WDR76: variants seen among roughly 807,000 people sequenced by gnomAD.
WDR76 encodes the protein WD repeat-containing protein 76.
WDR76 carries 52 observed loss-of-function variants against 70.2 expected under a neutral mutation model. That is an observed-to-expected ratio of 0.74 (90% confidence interval 0.59 to 0.93). The LOEUF (loss-of-function observed/expected upper bound fraction) is 0.93, where lower values mean the gene tolerates loss of function less well. WDR76 is among the 40% of genes least tolerant of loss of function. The pLI, the probability that WDR76 is intolerant of heterozygous loss-of-function variation, is 0.00. For synonymous variants in WDR76, 292 were observed against 271.1 expected, an observed-to-expected ratio of 1.08 and a Z score of -0.76; for missense variants, 756 against 760.2, an observed-to-expected ratio of 0.99 and a Z score of 0.07.
At chr15:43,855,164 G>A (rs950058845) in intron 9 of WDR76, among the ~76,000 whole-genome samples, 4 of 152,218 alleles carry the variant, frequency 2.6e-5, no homozygotes, top group South Asian at 2.1e-4. Context: ...TTTAAGATGC[G>A]TTCATGCTAT....
rs777290398 is a variant in WDR76, at chr15:43,828,207, A to G, written c.303A>G (p.Thr101=). The G allele has an allele frequency of 1.4e-5, 23 of 1,614,092 alleles. 1 individual carries two copies. The South Asian group carries it at 2.2e-4, about 15-fold the overall frequency. The change falls in exon 2 of 13, where the codon ACA becomes ACG. Residue 101 remains threonine (T), a synonymous_variant. Transcript: ENST00000263795. ...TTATACCTCCAAAGATGAAAAACAC[A>G]TCTTCCAAGGCAGAATCCACGCTGC... ...RRIIPPKMKN[T]SSKAESTLQN...
At chr15:43,863,650 C>T (rs537879575) in intron 12 of WDR76, among the ~76,000 whole-genome samples, 1 of 152,010 alleles carries the variant, frequency 6.6e-6, no homozygotes, top group African/African-American at 2.4e-5. Flanking sequence ...GCCTCAATCT[C>T]CTGGACTTGA....
intron 2 of WDR76, 125 bp downstream of exon 2, chr15:43,828,491 A>G (rs2087546515): frequency 1.2e-6 from 1 of 819,292 alleles, no homozygotes. Flanking sequence ...TGTAAGTATA[A>G]ATGTAATAAT....
intron 1 of WDR76, 131 bp downstream of exon 1, chr15:43,827,223 T>A: frequency 9.2e-7 from 1 of 1,088,386 alleles, no homozygotes; most frequent in Non-Finnish European, 1.3e-6. Flanking sequence ...CCCTTAGGCC[T>A]TCAGCTTTGA....
rs757526113 is a variant in WDR76, at chr15:43,858,814, G to T, written c.1553G>T (p.Cys518Phe). 1 of 1,612,604 alleles carries T rather than the reference G, an allele frequency of 6.2e-7. No homozygotes were observed. Among genetic ancestry groups the T allele is most frequent in the Non-Finnish European group, 8.5e-7 (1 of 1,179,676 alleles). Reference protein sequence around the residue: ...GNRVVTTCADCNLRIFDSSCI... With the variant: ...GNRVVTTCADFNLRIFDSSCI... ...AGAGTGGTGACCACATGTGCTGATT[G>T]TAATCTGAGGTAAATTGGGAAGGCA... The change falls in exon 11 of 13, where the codon TGT (cysteine) becomes TTT (phenylalanine). Residue 518 changes from cysteine (C) to phenylalanine (F), a missense_variant. By Grantham distance (205) the Cys-to-Phe change is radical (BLOSUM62 -2). Transcript: ENST00000263795.
intron 8 of WDR76, among the ~76,000 whole-genome samples, chr15:43,846,878 C>T (rs1176992689): frequency 5.3e-5 from 8 of 151,894 alleles, no homozygotes; most frequent in Middle Eastern, 3.4e-3. Flanking sequence ...CAAAATTAGC[C>T]GGGCATGGTG....
At chr15:43,835,660 CTT>C (rs67060323) in intron 3 of WDR76, among the ~76,000 whole-genome samples, 1,551 of 140,692 alleles carry the variant, frequency 0.011, 24 homozygotes, top group African/African-American at 0.038. Flanking sequence ...TTTTTTTTGT[CTT>C]TTTTTTTTTT....
chr15:43,854,865 C>G (rs984080345), intron 9 of WDR76, among the ~76,000 whole-genome samples: 1 of 151,614 alleles, frequency 6.6e-6, no homozygotes, highest in Non-Finnish European at 1.5e-5. Context: ...CACGGAGAAT[C>G]GCTTGAACCC....
At chr15:43,835,270 C>A in intron 3 of WDR76, 120 bp downstream of exon 3, 1 of 820,524 alleles carries the variant, frequency 1.2e-6, no homozygotes, top group Non-Finnish European at 2.0e-6. Flanking sequence ...AGTTCGAGAT[C>A]AGCCTGGGTA....
Position 43,827,047 on chromosome 15 carries a change from C to G in WDR76, c.15C>G (p.Gly5=). ...GAAGCCGAAAGATGTCCAGGTCGGG[C>G]GCGGCGGCTGAGAAGGCGGACTCCA... MSRS[G]AAAEKADSRQ... is the part of the protein sequence containing the mutation. Residue 5 remains glycine, a synonymous_variant, in exon 1 of 13, where the codon GGC becomes GGG. Coordinates refer to ENST00000263795, the MANE Select transcript of WDR76 (RefSeq NM_024908.4). 1 of 1,614,116 alleles carries G rather than the reference C, an allele frequency of 6.2e-7. No homozygotes were observed. The highest frequency in any genetic ancestry group is 8.5e-7 in the Non-Finnish European group (1 of 1,180,036).
chr15:43,838,011 G>A (rs1471683633), intron 4 of WDR76, among the ~76,000 whole-genome samples: 4 of 151,830 alleles, frequency 2.6e-5, no homozygotes, highest in Non-Finnish European at 4.4e-5. Context: ...GAGTAACTGG[G>A]ACTATAGGCG....
At chr15:43,854,686 C>T (rs1044381131) in intron 9 of WDR76, among the ~76,000 whole-genome samples, 1 of 152,168 alleles carries the variant, frequency 6.6e-6, no homozygotes, top group Non-Finnish European at 1.5e-5. Flanking sequence ...CAGTGGCTCA[C>T]GCCTGTAATC....
At chr15:43,861,701 A>T (rs1478948041) in intron 12 of WDR76, among the ~76,000 whole-genome samples, 1 of 152,078 alleles carries the variant, frequency 6.6e-6, no homozygotes, top group Non-Finnish European at 1.5e-5. Context: ...GTAACTACTC[A>T]CTTGCTGATG....
At chr15:43,829,708 A>G (rs2087563346) in intron 2 of WDR76, among the ~76,000 whole-genome samples, 1 of 151,630 alleles carries the variant, frequency 6.6e-6, no homozygotes, top group Non-Finnish European at 1.5e-5. Flanking sequence ...GGGTTCCACC[A>G]TGTTCGCCAG....
intron 9 of WDR76, among the ~76,000 whole-genome samples, chr15:43,852,374 CGTTGTT>C (rs1442041020): frequency 6.7e-6 from 1 of 149,582 alleles, no homozygotes; most frequent in African/African-American, 2.5e-5. Context: ...TTGTTGTCGT[CGTTGTT>C]GTTGTTGTAG....
intron 1 of WDR76, 135 bp from the exon 2 acceptor site, chr15:43,827,830 C>A: frequency 1.0e-6 from 1 of 965,196 alleles, no homozygotes; most frequent in Non-Finnish European, 1.5e-6. Flanking sequence ...CAGGCGTGAG[C>A]CACTGCACCT....
intron 8 of WDR76, among the ~76,000 whole-genome samples, chr15:43,849,902 A>G (rs972424129): frequency 6.6e-6 from 1 of 152,126 alleles, no homozygotes; most frequent in Non-Finnish European, 1.5e-5. Flanking sequence ...ATACCAAGAG[A>G]AAATTTTATT....
In WDR76 at chr15:43,856,992, C is replaced by A; in HGVS notation, c.1238C>A (p.Ala413Glu). ...AGCTTTTCCTCCTTCGACTTCTTGG[C>A]AGAAGATGCCTCCACTTTAATAGTA... ...RSSFSSFDFL[A>E]EDASTLIVGH... Residue 413 changes from alanine (A) to glutamate (E), a missense_variant, in exon 10 of 13, where the codon GCA becomes GAA. Coordinates refer to ENST00000263795, the MANE Select transcript of WDR76 (RefSeq NM_024908.4). 2 of 1,614,048 alleles carry A rather than the reference C, an allele frequency of 1.2e-6. No individual in the cohort carries two copies. The highest frequency in any genetic ancestry group is 1.7e-6 in the Non-Finnish European group (2 of 1,179,990).
intron 4 of WDR76, among the ~76,000 whole-genome samples, chr15:43,836,780 C>T (rs2087661073): frequency 6.6e-6 from 1 of 151,692 alleles, no homozygotes; most frequent in Non-Finnish European, 1.5e-5. Flanking sequence ...GCCTATAATC[C>T]CAGCACTTTG....
Sources: gnomAD v4.1 joint callset for allele counts (sites outside exome capture counted in the v4.1 genomes callset) on GRCh38, gnomAD v4.1.1 for gene constraint, MANE v1.5 for transcripts, NCBI Gene and HGNC (gene_info 2026-07-23, HGNC 2026-07-21) for gene names.